ZNF469: variants seen among roughly 807,000 people sequenced by gnomAD.
ZNF469 encodes the protein zinc finger protein 469.
In ZNF469, 1 loss-of-function variant was observed where a neutral mutation model predicts 1.0. That is an observed-to-expected ratio of 1.00 (90% CI 0.35 to 4.73). The LOEUF (loss-of-function observed/expected upper bound fraction) is 4.73. Among genes scored for constraint, ZNF469 ranks in the 30% most tolerant of loss-of-function variants. The pLI is 0.16. For synonymous variants in ZNF469, 2,703 were observed against 2,363.4 expected, an observed-to-expected ratio of 1.14 and a Z score of -4.17; for missense variants, 6,100 against 5,356.3, an observed-to-expected ratio of 1.14 and a Z score of -4.33.
the ZNF469 span, among the ~76,000 whole-genome samples, chr16:88,310,934 A>T: frequency 3.3e-5 from 5 of 152,152 alleles, no homozygotes; most frequent in Admixed American, 6.5e-5. Flanking sequence ...GTTGTCACTG[A>T]TGAACCCAAC....
At chr16:88,382,510 GA>G (rs1193435221), upstream of ZNF469, among the ~76,000 whole-genome samples, 1 of 152,208 alleles carries the variant, frequency 6.6e-6, no homozygotes, top group African/African-American at 2.4e-5. Flanking sequence ...GTGCCATGGG[GA>G]CCTCCTTATG....
At chr16:88,244,386 T>C in the ZNF469 span, among the ~76,000 whole-genome samples, 1 of 128,712 alleles carries the variant, frequency 7.8e-6, no homozygotes, top group South Asian at 2.9e-4. Flanking sequence ...GATGGGTGAA[T>C]GCATGGGTGG....
the ZNF469 span, among the ~76,000 whole-genome samples, chr16:88,136,830 G>T: frequency 6.6e-6 from 1 of 152,206 alleles, no homozygotes; most frequent in Non-Finnish European, 1.5e-5. Flanking sequence ...AGCTCAGGTC[G>T]GTGCAGTTTG....
chr16:88,239,364 G>C, the ZNF469 span, among the ~76,000 whole-genome samples: 1 of 152,050 alleles, frequency 6.6e-6, no homozygotes, highest in Non-Finnish European at 1.5e-5. Context: ...ATTGACTGTT[G>C]AAAGCCACTT....
At chr16:88,369,299 G>C in the ZNF469 span, among the ~76,000 whole-genome samples, 1 of 152,196 alleles carries the variant, frequency 6.6e-6, no homozygotes, top group Middle Eastern at 3.4e-3. Context: ...CCCTTGGGAC[G>C]CCACATGCAA....
chr16:88,169,412 C>A, the ZNF469 span, among the ~76,000 whole-genome samples: 8 of 152,304 alleles, frequency 5.3e-5, no homozygotes, highest in South Asian at 1.0e-3. This position sits in a 1 kb window ranked among gnomAD's most constrained non-coding sequence, Gnocchi z 6.1. Context: ...CAGCCCCTGG[C>A]AGCCCCCCTC....
intron 1 of ZNF469, among the ~76,000 whole-genome samples, chr16:88,388,544 G>A (rs1208201310): frequency 2.0e-5 from 3 of 152,230 alleles, no homozygotes; most frequent in Non-Finnish European, 4.4e-5. Context: ...GTGGCCAGCC[G>A]GGCACTGCCC....
At chr16:88,252,082 A>G in the ZNF469 span, among the ~76,000 whole-genome samples, 3 of 147,598 alleles carry the variant, frequency 2.0e-5, no homozygotes, top group Non-Finnish European at 3.0e-5. Flanking sequence ...CTACGGCTTC[A>G]GGTGTCTGCC....
chr16:88,431,821 G>A lies in ZNF469; in HGVS notation c.4351G>A (p.Glu1451Lys), dbSNP rs1225037693. 6.5e-7 allele frequency: 1 copy of A among 1,549,734 alleles called. No homozygotes were observed. The highest frequency in any genetic ancestry group is 2.0e-5 in the Admixed American group (1 of 51,010). Residue 1451 changes from glutamate (E) to lysine (K), a missense_variant, in exon 3 of 3, where the codon GAG becomes AAG. Transcript: ENST00000565624. Reference sequence around the variant, plus strand: ...CAGGGCTGCATCGCCACCGACCTTGGAGTCCTCATCCCTCTTCCCAGACCT... The same window carrying A: ...CAGGGCTGCATCGCCACCGACCTTGAAGTCCTCATCCCTCTTCCCAGACCT... ...PGRAASPPTL[E>K]SSSLFPDLPV...
At chr16:88,264,885 G>A in the ZNF469 span, among the ~76,000 whole-genome samples, 1 of 152,172 alleles carries the variant, frequency 6.6e-6, no homozygotes. Flanking sequence ...GTGGGTCTGG[G>A]GGCTCCTGAG....
At chr16:88,192,979 GTGGTGGTGATGGTGGTGGTGGTGA>G in the ZNF469 span, among the ~76,000 whole-genome samples, 1,353 of 134,796 alleles carry the variant, frequency 0.01, 15 homozygotes, top group African/African-American at 0.034. Context: ...GGTAGTGATG[GTGGTGGTGATGGTGGTGGTGGTGA>G]TGGTGGTGAT....
chr16:88,206,540 C>A, the ZNF469 span, among the ~76,000 whole-genome samples: 65,077 of 151,962 alleles, frequency 0.43, 15,611 homozygotes, highest in South Asian at 0.56. Context: ...CTGCCGATTA[C>A]CACAATCGTG....
chr16:88,161,051 C>T, the ZNF469 span, among the ~76,000 whole-genome samples: 3 of 151,980 alleles, frequency 2.0e-5, no homozygotes, highest in East Asian at 1.9e-4. Context: ...ATCCCAGCTA[C>T]TCAGGAGGCT....
chr16:88,301,835 C>T, the ZNF469 span, among the ~76,000 whole-genome samples: 2 of 152,142 alleles, frequency 1.3e-5, no homozygotes, highest in African/African-American at 2.4e-5. Context: ...CTCAGATCTC[C>T]ACTCGGGGCT....
At chr16:88,169,430 T>C in the ZNF469 span, among the ~76,000 whole-genome samples, 2 of 152,296 alleles carry the variant, frequency 1.3e-5, no homozygotes, top group Non-Finnish European at 2.9e-5. This position sits in a 1 kb window ranked among gnomAD's most constrained non-coding sequence, Gnocchi z 6.1. Context: ...CTCTGATTTC[T>C]GTCCTGGAGA....
At chr16:88,331,445 ATAAT>A in the ZNF469 span, among the ~76,000 whole-genome samples, 2 of 151,498 alleles carry the variant, frequency 1.3e-5, no homozygotes, top group Admixed American at 6.6e-5. Flanking sequence ...CATAACCATC[ATAAT>A]CACCACCATC....
chr16:88,430,088 C>G lies in ZNF469; in HGVS notation c.2618C>G (p.Pro873Arg), dbSNP rs1440892972. The change falls in exon 3 of 3, where the codon CCT becomes CGT. Residue 873 changes from proline (P) to arginine (R), a missense_variant. By Grantham distance (103) the Pro-to-Arg change is moderately radical. Coordinates refer to ENST00000565624, the MANE Select transcript of ZNF469 (RefSeq NM_001367624.2). ...ATCGACGTCTTCGCGGACGAGGAGC[C>G]TTCCGGCCCCAGAGGTCCCAGCTCC... ...SFIDVFADEE[P>R]SGPRGPSSGH... 6.5e-7 allele frequency: 1 copy of G among 1,550,142 alleles called. No individual in the cohort carries two copies. The highest frequency in any genetic ancestry group is 2.0e-5 in the Admixed American group (1 of 51,012).
the ZNF469 span, among the ~76,000 whole-genome samples, chr16:88,106,091 C>T: frequency 2.6e-5 from 4 of 152,250 alleles, no homozygotes; most frequent in African/African-American, 9.6e-5. Flanking sequence ...CATTGCCCTG[C>T]CACACCTGCA....
chr16:88,304,936 A>C, the ZNF469 span, among the ~76,000 whole-genome samples: 5 of 152,122 alleles, frequency 3.3e-5, no homozygotes, highest in Non-Finnish European at 5.9e-5. Context: ...TGAAGCTCTG[A>C]ATCCTGGGCT....
Sources: gnomAD v4.1 joint callset for allele counts (sites outside exome capture counted in the v4.1 genomes callset) on GRCh38, gnomAD v4.1.1 for gene constraint, Gnocchi (gnomAD v3.1) non-coding constraint, MANE v1.5 for transcripts, NCBI Gene and HGNC (gene_info 2026-07-23, HGNC 2026-07-21) for gene names.